The following LIFR variants were observed in gnomAD, a reference collection of about 807,000 sequenced individuals.
The protein encoded by LIFR is LIF receptor subunit alpha, also known as leukemia inhibitory factor receptor.
LIFR carries 84 observed loss-of-function variants against 122.2 expected under a neutral mutation model. The observed-to-expected ratio is 0.69, with a 90% CI of 0.58 to 0.82. LIFR has a LOEUF of 0.82. Among genes scored for constraint, LIFR ranks in the 40% least tolerant of loss-of-function variants. The probability of loss-of-function intolerance (pLI) is 0.00; values close to 1 mark genes in which losing one functional copy is unlikely to be tolerated. For synonymous variants in LIFR, 422 were observed against 434.7 expected, an observed-to-expected ratio of 0.97 and a Z score of 0.36; for missense variants, 1,294 against 1,311.6, an observed-to-expected ratio of 0.99 and a Z score of 0.21.
At chr5:38,484,560 A>T (rs1561130869) in intron 18 of LIFR, among the ~76,000 whole-genome samples, 1 of 152,232 alleles carries the variant, frequency 6.6e-6, no homozygotes, top group East Asian at 1.9e-4. Flanking sequence ...ATTAGGAAAA[A>T]TAGTAGAAAA....
chr5:38,530,861 T>C (rs1424910117), intron 1 of LIFR, 195 bp from the exon 2 acceptor site: 1 of 547,206 alleles, frequency 1.8e-6, no homozygotes, highest in Non-Finnish European at 3.2e-6. Flanking sequence ...GCTTTAGGTA[T>C]CTACTACGAG....
At chr5:38,571,427 T>A (rs1421838933) in intron 1 of LIFR, among the ~76,000 whole-genome samples, 1 of 148,464 alleles carries the variant, frequency 6.7e-6, no homozygotes, top group African/African-American at 2.5e-5. Flanking sequence ...TCGTGGTGGG[T>A]GTCTGTAGTC....
chr5:38,546,332 T>C (rs1747892275), intron 1 of LIFR, among the ~76,000 whole-genome samples: 1 of 152,190 alleles, frequency 6.6e-6, no homozygotes, highest in Admixed American at 6.5e-5. Context: ...AAGGAAAAGA[T>C]GGGCAAAGAA....
chr5:38,479,123 CA>C lies in LIFR; in HGVS notation c.*2471del. 1 of 232,120 alleles carries C rather than the reference CA, an allele frequency of 4.3e-6. No individual in the cohort carries two copies. 14.4% of individuals were successfully genotyped at this position (232,120 alleles called of 1,614,324 possible). ...CGTGTTGTTACTCTCCCTACACACA[CA>C]GGTTGGGGGGAGTAGAGGTAATATC... On this transcript the variant is annotated 3_prime_UTR_variant, in exon 20 of 20. Transcript: ENST00000453190.
chr5:38,551,449 C>G (rs1162121994), intron 1 of LIFR, among the ~76,000 whole-genome samples: 1 of 152,208 alleles, frequency 6.6e-6, no homozygotes, highest in Non-Finnish European at 1.5e-5. Flanking sequence ...TCTGTCACCT[C>G]TTGCTATTTT....
chr5:38,484,184 G>C (rs1744150804), intron 18 of LIFR, among the ~76,000 whole-genome samples: 1 of 152,236 alleles, frequency 6.6e-6, no homozygotes, highest in Admixed American at 6.5e-5. Context: ...CAGCTCGCAG[G>C]ACGTAGCCCC....
intron 1 of LIFR, among the ~76,000 whole-genome samples, chr5:38,534,985 T>C (rs1747217882): frequency 6.6e-6 from 1 of 152,204 alleles, no homozygotes; most frequent in Non-Finnish European, 1.5e-5. Flanking sequence ...GGATAACATA[T>C]ATTTTACAAA....
chr5:38,553,445 T>C (rs1228197186), intron 1 of LIFR, among the ~76,000 whole-genome samples: 1 of 151,594 alleles, frequency 6.6e-6, no homozygotes, highest in Non-Finnish European at 1.5e-5. Context: ...AGGGTCTGTC[T>C]GTCCTGTGCA....
chr5:38,552,699 G>C (rs1217284107), intron 1 of LIFR, among the ~76,000 whole-genome samples: 1 of 152,154 alleles, frequency 6.6e-6, no homozygotes, highest in Non-Finnish European at 1.5e-5. Context: ...AAGTGTAATT[G>C]ACTTAAAGCA....
intron 13 of LIFR, among the ~76,000 whole-genome samples, chr5:38,494,519 T>C (rs1744775080): frequency 6.6e-6 from 1 of 151,816 alleles, no homozygotes; most frequent in South Asian, 2.1e-4. Context: ...TGGCAAGGTT[T>C]TGTTTCCCTG....
intron 1 of LIFR, among the ~76,000 whole-genome samples, chr5:38,551,547 G>T (rs1040896336): frequency 6.6e-6 from 1 of 152,322 alleles, no homozygotes. Flanking sequence ...AGAAGGTATT[G>T]CAAGAGGCCT....
chr5:38,563,134 A>AT (rs1488345639), intron 1 of LIFR, among the ~76,000 whole-genome samples: 1 of 151,862 alleles, frequency 6.6e-6, no homozygotes, highest in African/African-American at 2.4e-5. Context: ...GCAGCTTGGA[A>AT]TTTTTTTTCT....
Position 38,480,997 on chromosome 5 carries a change from T to C in LIFR, c.*598A>G, listed in dbSNP as rs909668342. On this transcript the variant is annotated 3_prime_UTR_variant, in exon 20 of 20. Transcript: ENST00000453190. ...CAACTGTTTGATAACCATTATACAGTAGGCACAGAAATAAGCATACTTTAT... is the reference window on the plus strand; with the variant it reads ...CAACTGTTTGATAACCATTATACAGCAGGCACAGAAATAAGCATACTTTAT... The C allele has an allele frequency of 8.8e-6, 2 of 226,114 alleles. No individual in the cohort carries two copies. The highest frequency in any genetic ancestry group is 5.4e-5 in the Admixed American group (1 of 18,378). The allele number at this position is 226,114 out of a possible 1,614,324, so 14.0% of individuals were successfully genotyped here.
intron 1 of LIFR, among the ~76,000 whole-genome samples, chr5:38,570,732 G>A (rs546414746): frequency 6.6e-6 from 1 of 152,292 alleles, no homozygotes; most frequent in Non-Finnish European, 1.5e-5. Context: ...ATTTGTGTCT[G>A]AAGATGCCAT....
intron 1 of LIFR, chr5:38,550,289 A>T (rs1372716177): frequency 1.1e-6 from 1 of 922,774 alleles, no homozygotes; most frequent in Non-Finnish European, 1.3e-6. Flanking sequence ...CTATTGATAA[A>T]GCACAACTGA....
intron 5 of LIFR, among the ~76,000 whole-genome samples, chr5:38,518,832 G>A (rs1049685578): frequency 1.3e-5 from 2 of 152,170 alleles, no homozygotes; most frequent in African/African-American, 4.8e-5. Flanking sequence ...CTCCATGCAT[G>A]TTACTGCCCC....
intron 7 of LIFR, among the ~76,000 whole-genome samples, chr5:38,509,832 T>C (rs962828117): frequency 2.0e-5 from 3 of 152,192 alleles, no homozygotes; most frequent in African/African-American, 4.8e-5. Flanking sequence ...ACAAGCCACA[T>C]GGGCAGGGCA....
At chr5:38,502,509 T>A in intron 11 of LIFR, 128 bp downstream of exon 11, 2 of 743,024 alleles carry the variant, frequency 2.7e-6, no homozygotes, top group South Asian at 1.5e-5. Context: ...TCTGCCCACC[T>A]CGGCCTCCCA....
intron 1 of LIFR, among the ~76,000 whole-genome samples, chr5:38,594,444 A>G (rs1750030827): frequency 6.6e-6 from 1 of 152,214 alleles, no homozygotes; most frequent in Non-Finnish European, 1.5e-5. Flanking sequence ...AATGTATACC[A>G]TGAACTTTGG....
Sources: allele counts gnomAD v4.1 joint callset (sites outside exome capture counted in the v4.1 genomes callset), GRCh38; gene constraint gnomAD v4.1.1; transcripts MANE v1.5; gene names NCBI Gene and HGNC (gene_info 2026-07-23, HGNC 2026-07-21).